Variants in PGBD5 observed in about 807,000 individuals in gnomAD.
PGBD5 encodes the protein piggyBac transposable element-derived protein 5.
A neutral mutation model predicts 47.9 loss-of-function variants in PGBD5; 14 were observed. The observed-to-expected ratio is 0.29, with a 90% CI of 0.19 to 0.46. The LOEUF (loss-of-function observed/expected upper bound fraction) is 0.46, where lower values mean the gene tolerates loss of function less well. Ranked by LOEUF, PGBD5 falls within the 20% of genes least tolerant of loss-of-function variation. PGBD5 has a pLI of 1.00. For missense variants in PGBD5, 635 were observed against 716.0 expected, an observed-to-expected ratio of 0.89 and a Z score of 1.29; for synonymous variants, 316 against 306.3, an observed-to-expected ratio of 1.03 and a Z score of -0.33.
chr1:230,343,753 G>T (rs1667439866), intron 3 of PGBD5, among the ~76,000 whole-genome samples: 1 of 152,142 alleles, frequency 6.6e-6, no homozygotes, highest in Non-Finnish European at 1.5e-5. Context: ...TAGGTCAAGA[G>T]CAAAATATTT....
At chr1:230,368,028 A>G (rs1571843860) in intron 1 of PGBD5, 1 of 1,367,856 alleles carries the variant, frequency 7.3e-7, no homozygotes, top group South Asian at 1.1e-5. Flanking sequence ...CACACCCCAC[A>G]TAGGCAGGAA....
chr1:230,404,611 CAAAAAAAA>C (rs747306411), intron 1 of PGBD5, among the ~76,000 whole-genome samples: 12 of 100,362 alleles, frequency 1.2e-4, no homozygotes, highest in African/African-American at 4.8e-4. Context: ...AGTCTTGTCT[CAAAAAAAA>C]AAAAAAAAAA....
At position 230,351,045 on chromosome 1, in the gene PGBD5, C is replaced by G. The variant is rs76234678; in HGVS notation, c.807G>C (p.Thr269=). 3.9e-4 allele frequency: 637 copies of G among 1,613,932 alleles called. 3 individuals carry two copies. The African/African-American group carries it at 7.4e-3, about 19-fold the overall frequency. Residue 269 remains threonine, a synonymous_variant, in exon 3 of 7, where the codon ACG becomes ACC. Transcript: ENST00000391860. ...TCTTTCGCAGCTCCCGCTCTGTGCA[C>G]GTGGCAATGAATACAGGATCCTCAT... is the stretch of plus-strand genomic sequence containing the variant. The part of the protein sequence containing the change: ...LIDEDPVFIA[T]CTERELRKRK...
At chr1:230,361,613 T>A (rs1667743317) in intron 1 of PGBD5, among the ~76,000 whole-genome samples, 1 of 152,120 alleles carries the variant, frequency 6.6e-6, no homozygotes, top group African/African-American at 2.4e-5. Flanking sequence ...GGAAACAGAT[T>A]CCCTCTTCTC....
At chr1:230,410,894 C>G (rs941076299) in intron 1 of PGBD5, among the ~76,000 whole-genome samples, 1 of 152,070 alleles carries the variant, frequency 6.6e-6, no homozygotes, top group African/African-American at 2.4e-5. Flanking sequence ...AATAGAAAAA[C>G]CCCTCAAATG....
At chr1:230,378,557 T>C (rs534718166) in intron 1 of PGBD5, among the ~76,000 whole-genome samples, 2 of 152,292 alleles carry the variant, frequency 1.3e-5, no homozygotes, top group East Asian at 3.9e-4. Context: ...TTTCTCCTGA[T>C]TGTGTGTAGT....
At chr1:230,333,439 T>G (rs1667254871) in intron 4 of PGBD5, among the ~76,000 whole-genome samples, 1 of 152,170 alleles carries the variant, frequency 6.6e-6, no homozygotes, top group African/African-American at 2.4e-5. Context: ...GGTTATGGCA[T>G]GCACATTAGA....
At chr1:230,349,226 A>G (rs890123385) in intron 3 of PGBD5, among the ~76,000 whole-genome samples, 2 of 152,078 alleles carry the variant, frequency 1.3e-5, no homozygotes, top group African/African-American at 4.8e-5. Flanking sequence ...GCATGTAAAC[A>G]TTTATTCCAA....
intron 1 of PGBD5, among the ~76,000 whole-genome samples, chr1:230,381,292 C>T (rs1008331942): frequency 6.6e-6 from 1 of 152,232 alleles, no homozygotes; most frequent in Non-Finnish European, 1.5e-5. Flanking sequence ...ATAGTATAAT[C>T]CTGGCACCAA....
At chr1:230,405,624 T>C (rs1657282251) in intron 1 of PGBD5, among the ~76,000 whole-genome samples, 1 of 152,188 alleles carries the variant, frequency 6.6e-6, no homozygotes, top group African/African-American at 2.4e-5. Context: ...AAGCCTTGTG[T>C]TGTTCAAGCA....
chr1:230,391,363 T>C (rs1336432045), intron 1 of PGBD5, among the ~76,000 whole-genome samples: 1 of 152,224 alleles, frequency 6.6e-6, no homozygotes, highest in Admixed American at 6.5e-5. Context: ...CCCCCTCATT[T>C]TCTCCCCTAG....
At chr1:230,328,667 T>C (rs772278768) in intron 5 of PGBD5, among the ~76,000 whole-genome samples, 39 of 152,236 alleles carry the variant, frequency 2.6e-4, no homozygotes, top group Non-Finnish European at 4.4e-4. Flanking sequence ...TGTCTTCCCA[T>C]TCTAACAGTT....
chr1:230,388,391 C>T lies in PGBD5; in HGVS notation c.332-31070G>A, dbSNP rs1020524647. Among the ~76,000 whole-genome samples the T allele has an allele frequency of 2.6e-5, 4 of 151,586 alleles. No individual in the cohort carries two copies. In the South Asian group the frequency reaches 6.2e-4, roughly 24 times the overall value. On this transcript the variant is annotated intron_variant, in intron 1 of 6. Coordinates refer to ENST00000391860, the MANE Select transcript of PGBD5 (RefSeq NM_001258311.2). ...GTCCTCTGGCTGCACATGACAACTG[C>T]GGCCACTTCCCCTTGTTGGCCACAT...
intron 1 of PGBD5, among the ~76,000 whole-genome samples, chr1:230,422,771 C>A (rs943602966): frequency 2.9e-4 from 44 of 152,114 alleles, no homozygotes; most frequent in Admixed American, 2.8e-3. Context: ...ACAAGAACAG[C>A]CTGAAGAATG....
intron 1 of PGBD5, among the ~76,000 whole-genome samples, chr1:230,413,458 T>C (rs1657454923): frequency 6.6e-6 from 1 of 151,982 alleles, no homozygotes; most frequent in Non-Finnish European, 1.5e-5. Flanking sequence ...CGTGATCGCA[T>C]CATCGCACTC....
intron 4 of PGBD5, among the ~76,000 whole-genome samples, chr1:230,335,088 G>A (rs1667282204): frequency 7.8e-6 from 1 of 128,140 alleles, no homozygotes; most frequent in African/African-American, 2.8e-5. Context: ...GACACACACA[G>A]GTACACACAC....
chr1:230,364,832 C>A (rs1390630004), intron 1 of PGBD5, among the ~76,000 whole-genome samples: 2 of 151,510 alleles, frequency 1.3e-5, no homozygotes, highest in Non-Finnish European at 2.9e-5. Context: ...ACCAGCCTGG[C>A]CAACATGGTG....
At chr1:230,389,299 A>C (rs1412830892) in intron 1 of PGBD5, among the ~76,000 whole-genome samples, 14 of 151,370 alleles carry the variant, frequency 9.2e-5, no homozygotes, top group Admixed American at 2.6e-4. Context: ...CAGCCTCCTG[A>C]GTAGCTGGGA....
At chr1:230,334,211 C>T (rs1667267033) in intron 4 of PGBD5, among the ~76,000 whole-genome samples, 1 of 152,214 alleles carries the variant, frequency 6.6e-6, no homozygotes, top group South Asian at 2.1e-4. Flanking sequence ...TTGAGTCTCG[C>T]TGCTGAAAAG....
Sources: allele counts gnomAD v4.1 joint callset (sites outside exome capture counted in the v4.1 genomes callset), GRCh38; gene constraint gnomAD v4.1.1; transcripts MANE v1.5; gene names NCBI Gene and HGNC (gene_info 2026-07-23, HGNC 2026-07-21).